SLC13A1: variants seen among roughly 807,000 people sequenced by gnomAD.
SLC13A1 encodes the protein solute carrier family 13 member 1, also known as Na(+)/sulfate cotransporter.
A neutral mutation model predicts 70.0 loss-of-function variants in SLC13A1; 65 were observed. The ratio of observed to expected loss-of-function variants is 0.93; its 90% CI spans 0.76 to 1.14. The LOEUF (loss-of-function observed/expected upper bound fraction) is 1.14. Among genes scored for constraint, SLC13A1 ranks in the 50% most tolerant of loss-of-function variants. The pLI is 0.00. For missense variants in SLC13A1, 726 were observed against 717.8 expected (o/e 1.01, Z -0.13); for synonymous variants, 275 against 250.5 (o/e 1.10, Z -0.92).
chr7:123,187,475 C>A (rs1012546392), intron 1 of SLC13A1, among the ~76,000 whole-genome samples: 1 of 152,086 alleles, frequency 6.6e-6, no homozygotes, highest in African/African-American at 2.4e-5. Flanking sequence ...TATTTTTAAA[C>A]AAATAAAACA....
rs1176594542 is a variant in SLC13A1, at chr7:123,181,208, G to A, written c.100-107C>T. On this transcript the variant is annotated intron_variant, in intron 1 of 14. Transcript: ENST00000194130. The stretch of plus-strand genomic sequence containing the variant: ...TAGAGCCATGTCACAGAGAACGTAA[G>A]AAGATCTGAAGACCTCTGCATCTTT... 79 of 1,171,872 alleles carry A rather than the reference G, an allele frequency of 6.7e-5. 3 individuals are homozygous for A. The Admixed American group carries it at 1.7e-3, about 26-fold the overall frequency. The allele number at this position is 1,171,872 out of a possible 1,614,324, so 72.6% of individuals were successfully genotyped here. A position where few individuals can be genotyped will look rare whatever the true frequency, so the allele number is the denominator to read the frequency against.
At chr7:123,140,080 T>TA (rs34001846) in intron 7 of SLC13A1, among the ~76,000 whole-genome samples, 13 of 151,686 alleles carry the variant, frequency 8.6e-5, no homozygotes, top group African/African-American at 2.2e-4. Context: ...CTTCTTTTTT[T>TA]AAAAAAAATT....
intron 10 of SLC13A1, among the ~76,000 whole-genome samples, chr7:123,127,985 A>G (rs1404223275): frequency 4.0e-5 from 6 of 151,704 alleles, no homozygotes; most frequent in South Asian, 2.1e-4. Flanking sequence ...TTATATTGAC[A>G]TATAGGATGG....
intron 7 of SLC13A1, among the ~76,000 whole-genome samples, chr7:123,140,371 T>A (rs1436558253): frequency 6.6e-6 from 1 of 152,104 alleles, no homozygotes; most frequent in Non-Finnish European, 1.5e-5. Context: ...TCAATATTCA[T>A]AAGGGATATT....
At chr7:123,127,535 TATTA>T (rs1425285922) in intron 10 of SLC13A1, among the ~76,000 whole-genome samples, 1 of 152,122 alleles carries the variant, frequency 6.6e-6, no homozygotes, top group Non-Finnish European at 1.5e-5. Context: ...AACCACAAAA[TATTA>T]ATTAAATATT....
At chr7:123,171,381 A>AT (rs1185881491) in intron 3 of SLC13A1, among the ~76,000 whole-genome samples, 1 of 152,202 alleles carries the variant, frequency 6.6e-6, no homozygotes, top group East Asian at 1.9e-4. Context: ...CTCCCTGATG[A>AT]TAAAGGATGC....
intron 6 of SLC13A1, among the ~76,000 whole-genome samples, chr7:123,158,400 T>C (rs556982857): frequency 2.2e-4 from 34 of 151,892 alleles, no homozygotes; most frequent in Admixed American, 1.6e-3. Context: ...AAGAGAAAAT[T>C]AACTAGCTGG....
intron 7 of SLC13A1, among the ~76,000 whole-genome samples, chr7:123,146,667 T>A (rs1794363260): frequency 6.6e-6 from 1 of 152,176 alleles, no homozygotes; most frequent in Non-Finnish European, 1.5e-5. Context: ...CAGTCATATA[T>A]CTGTTTGTAG....
intron 7 of SLC13A1, among the ~76,000 whole-genome samples, chr7:123,143,852 A>T (rs1444922578): frequency 2.0e-5 from 3 of 152,140 alleles, no homozygotes; most frequent in Non-Finnish European, 4.4e-5. Flanking sequence ...ATAATGAGAT[A>T]ATAAATGTGT....
intron 1 of SLC13A1, among the ~76,000 whole-genome samples, chr7:123,198,085 A>G (rs1796239540): frequency 6.6e-6 from 1 of 152,082 alleles, no homozygotes. Context: ...GGCTCCAGGT[A>G]TGAAGCAGGA....
intron 13 of SLC13A1, 44 bp from the exon 14 acceptor site, chr7:123,117,652 T>C: frequency 7.1e-7 from 1 of 1,404,710 alleles, no homozygotes; most frequent in Non-Finnish European, 9.6e-7. Flanking sequence ...ATTTTGAGGG[T>C]AGACACGAAA....
At chr7:123,147,039 G>A (rs1794377205) in intron 7 of SLC13A1, 120 bp downstream of exon 7, 5 of 971,114 alleles carry the variant, frequency 5.1e-6, no homozygotes, top group Non-Finnish European at 7.5e-6. Flanking sequence ...GTCCTGAAGG[G>A]AAACAAGGGA....
intron 6 of SLC13A1, among the ~76,000 whole-genome samples, chr7:123,152,004 C>T (rs4341107): frequency 7.1e-6 from 1 of 141,720 alleles, no homozygotes; most frequent in African/African-American, 2.4e-5. Flanking sequence ...AGACTGCAGC[C>T]TACAAAATCT....
intron 1 of SLC13A1, among the ~76,000 whole-genome samples, chr7:123,183,858 A>G (rs775104035): frequency 2.7e-4 from 41 of 152,176 alleles, no homozygotes; most frequent in Non-Finnish European, 4.7e-4. Context: ...CTGGATTCAT[A>G]ACCCATTTGT....
intron 7 of SLC13A1, among the ~76,000 whole-genome samples, chr7:123,142,368 A>G (rs776827861): frequency 6.6e-6 from 1 of 152,158 alleles, no homozygotes; most frequent in East Asian, 1.9e-4. Context: ...GGACAGGTCC[A>G]TAAATGCCAT....
chr7:123,183,771 C>T (rs1795711081), intron 1 of SLC13A1, among the ~76,000 whole-genome samples: 1 of 152,104 alleles, frequency 6.6e-6, no homozygotes, highest in African/African-American at 2.4e-5. Context: ...CATCCTTTTC[C>T]AGACCTTCCC....
intron 1 of SLC13A1, among the ~76,000 whole-genome samples, chr7:123,187,339 G>A (rs1191565739): frequency 6.6e-6 from 1 of 152,106 alleles, no homozygotes; most frequent in Admixed American, 6.6e-5. Flanking sequence ...CTTTTTAGCA[G>A]TGTATTCTTT....
intron 13 of SLC13A1, among the ~76,000 whole-genome samples, 166 bp from the exon 14 acceptor site, chr7:123,117,774 A>G (rs1238096030): frequency 6.6e-6 from 1 of 152,016 alleles, no homozygotes; most frequent in Non-Finnish European, 1.5e-5. Flanking sequence ...TTAAGAAAAT[A>G]TCTCATCCTC....
chr7:123,158,092 A>C (rs2116481036), intron 6 of SLC13A1, among the ~76,000 whole-genome samples: 1 of 152,232 alleles, frequency 6.6e-6, no homozygotes, highest in African/African-American at 2.4e-5. Flanking sequence ...AACTAAAAAA[A>C]AATTTCAATG....
Sources: allele counts gnomAD v4.1 joint callset (sites outside exome capture counted in the v4.1 genomes callset), GRCh38; gene constraint gnomAD v4.1.1; transcripts MANE v1.5; gene names NCBI Gene and HGNC (gene_info 2026-07-23, HGNC 2026-07-21).